The following CTPS1 variants were observed in gnomAD, a reference collection of about 807,000 sequenced individuals.
The protein encoded by CTPS1 is CTP synthase 1, also known as CTP synthetase 1.
In CTPS1, 25 loss-of-function variants were observed where a neutral mutation model predicts 80.5. The observed-to-expected ratio is 0.31, with a 90% CI of 0.23 to 0.43. The LOEUF is 0.43. Among genes scored for constraint, CTPS1 ranks in the 20% least tolerant of loss-of-function variants. The pLI is 1.00. For missense variants in CTPS1, 442 were observed against 725.7 expected, an observed-to-expected ratio of 0.61 and a Z score of 4.49; for synonymous variants, 267 against 252.5, an observed-to-expected ratio of 1.06 and a Z score of -0.54.
intron 3 of CTPS1, 48 bp from the exon 4 acceptor site, chr1:40,987,324 A>G (rs1466716523): frequency 7.4e-7 from 1 of 1,351,238 alleles, no homozygotes; most frequent in Non-Finnish European, 1.1e-6. Context: ...TGTCTCAATC[A>G]ATGTAGATGG....
In CTPS1 at chr1:40,983,412, C is replaced by A; in HGVS notation, c.122C>A (p.Pro41His). 1.2e-6 allele frequency: 2 copies of A among 1,613,762 alleles called. No homozygotes were observed. Reference sequence around the variant, plus strand: ...CATGTAACTTCAATCAAAATTGACCCCTACATTAACATTGATGCAGGAACA... The same window carrying A: ...CATGTAACTTCAATCAAAATTGACCACTACATTAACATTGATGCAGGAACA... ...GLHVTSIKIDPYINIDAGTFS... is the reference protein window; with the variant it reads ...GLHVTSIKIDHYINIDAGTFS... The change falls in exon 2 of 19, where the codon CCC becomes CAC. Residue 41 changes from proline to histidine, a missense_variant. Physicochemically the swap from Pro to His is moderately conservative, Grantham distance 77 (BLOSUM62 -2). Transcript: ENST00000650070.
chr1:41,000,779 C>T (rs150657471), intron 9 of CTPS1: 13 of 231,748 alleles, frequency 5.6e-5, no homozygotes, highest in Admixed American at 1.7e-4. Context: ...CAGTAGAGTG[C>T]AGAAAGAGAG....
Position 40,983,401 on chromosome 1 carries a change from C to T in CTPS1, c.111C>T (p.Ile37=). 6.2e-7 allele frequency: 1 copy of T among 1,613,934 alleles called. No homozygotes were observed. The highest frequency in any genetic ancestry group is 1.1e-5 in the South Asian group (1 of 91,032). ...LKSCGLHVTS[I]KIDPYINIDA... is the part of the protein sequence containing the mutation. ...CATGTGGTTTACATGTAACTTCAATCAAAATTGACCCCTACATTAACATTG... is the reference window on the plus strand; with the variant it reads ...CATGTGGTTTACATGTAACTTCAATTAAAATTGACCCCTACATTAACATTG... The change falls in exon 2 of 19, where the codon ATC becomes ATT. Residue 37 remains isoleucine (I), a synonymous_variant. Transcript: ENST00000650070.
chr1:41,009,893 T>A (rs1340508226), intron 17 of CTPS1, among the ~76,000 whole-genome samples: 1 of 152,224 alleles, frequency 6.6e-6, no homozygotes, highest in Non-Finnish European at 1.5e-5. Flanking sequence ...ATGGGTAGGT[T>A]TATGTCCCAT....
chr1:41,001,203 T>C (rs563220982), intron 10 of CTPS1, 86 bp downstream of exon 10: 1 of 863,416 alleles, frequency 1.2e-6, no homozygotes, highest in Non-Finnish European at 1.8e-6. Flanking sequence ...GTGCCAGTAG[T>C]AGGTAATTGA....
In CTPS1 at chr1:40,985,612, G is replaced by A. The variant is rs569848954; in HGVS notation, c.337+621G>A. On this transcript the variant is annotated intron_variant, in intron 3 of 18. Transcript: ENST00000650070. ...CTACTGATCTAGTATAATGGCAGTG[G>A]CCCAAATTTGGAGAGGTTGCTGAAA... Among the ~76,000 whole-genome samples, 67 of 152,204 alleles carry A rather than the reference G, an allele frequency of 4.4e-4. 1 individual carries two copies. The highest frequency in any genetic ancestry group is 1.6e-3 in the African/African-American group (65 of 41,494).
chr1:41,000,335 C>T (rs952287452), intron 9 of CTPS1, among the ~76,000 whole-genome samples: 3 of 152,032 alleles, frequency 2.0e-5, no homozygotes, highest in African/African-American at 4.8e-5. Context: ...CTCTGCCTTC[C>T]AGGTTCAAGC....
chr1:41,008,006 T>C (rs147265524), intron 14 of CTPS1, among the ~76,000 whole-genome samples: 2 of 152,334 alleles, frequency 1.3e-5, no homozygotes, highest in African/African-American at 4.8e-5. Context: ...ATTACACAGA[T>C]TTCCTTCTTG....
At chr1:40,980,813 T>G (rs569460066) in intron 1 of CTPS1, 1 of 152,582 alleles carries the variant, frequency 6.6e-6, no homozygotes, top group East Asian at 1.9e-4. Context: ...TGCCTACCTT[T>G]CCAGTTTATC....
Position 41,010,161 on chromosome 1 carries a change from G to A in CTPS1, c.1692G>A (p.Arg564=), listed in dbSNP as rs201074432. 5.0e-5 allele frequency: 81 copies of A among 1,611,434 alleles called. No individual in the cohort carries two copies. The East Asian group carries it at 1.7e-3, about 34-fold the overall frequency. Residue 564 remains arginine (R), a splice_region_variant and synonymous_variant, in exon 18 of 19, where the codon AGG becomes AGA. Coordinates refer to ENST00000650070, the MANE Select transcript of CTPS1 (RefSeq NM_001905.4). The stretch of plus-strand genomic sequence containing the variant: ...TGCGTAAACCATCTGAATTCTACAG[G>A]GACACCTATAGTGACAGGAGTGGAA... ...YLQKGCRLSP[R]DTYSDRSGSS...
rs748131892 is a variant in CTPS1 at position 40,984,895 on chromosome 1, C to T, written c.241C>T (p.Arg81Cys). ...LGNYERFLDI[R>C]LTKDNNLTTG... Reference sequence around the variant, plus strand: ...TAACTATGAGCGGTTCCTTGACATCCGCCTCACCAAGGACAATAATCTGAC... The same window carrying T: ...TAACTATGAGCGGTTCCTTGACATCTGCCTCACCAAGGACAATAATCTGAC... Residue 81 changes from arginine (R) to cysteine (C), a missense_variant, in exon 3 of 19, where the codon CGC (arginine) becomes TGC (cysteine). This residue lies in a region of CTPS1 where 69 missense variants were observed against 102.1 expected (regional missense o/e 0.68). Transcript: ENST00000650070. 1.1e-5 allele frequency: 18 copies of T among 1,605,170 alleles called. No individual in the cohort carries two copies. The highest frequency in any genetic ancestry group is 5.1e-5 in the Admixed American group (3 of 59,214).
Position 41,012,251 on chromosome 1 carries a change from G to T in CTPS1, c.*603G>T, listed in dbSNP as rs989769590. On this transcript the variant is annotated 3_prime_UTR_variant, in exon 19 of 19. Transcript: ENST00000650070. ...ACACCAAGATGTCTGTCTCTGAAGC[G>T]TGATTTTAAAATCCCCATGCCTGTG... The T allele has an allele frequency of 6.6e-6, 1 of 152,132 alleles. No individual in the cohort carries two copies. The highest frequency in any genetic ancestry group is 1.5e-5 in the Non-Finnish European group (1 of 68,030). The allele number at this position is 152,132 out of a possible 1,614,324, so 9.4% of individuals were successfully genotyped here. A position where few individuals can be genotyped will look rare whatever the true frequency, so the allele number is the denominator to read the frequency against.
chr1:40,982,046 G>T, intron 1 of CTPS1: 1 of 1,278,372 alleles, frequency 7.8e-7, no homozygotes, highest in Non-Finnish European at 1.0e-6. Flanking sequence ...GGTCACATTT[G>T]GGTTTGCTGA....
At chr1:40,998,770 C>T (rs759105056) in intron 9 of CTPS1, among the ~76,000 whole-genome samples, 2 of 152,144 alleles carry the variant, frequency 1.3e-5, no homozygotes, top group Non-Finnish European at 2.9e-5. Context: ...TAAACAGGCC[C>T]CATGTAGCTG....
rs75669611 is a variant in CTPS1, at chr1:41,008,682, T to C, written c.1417T>C (p.Tyr473His). 83 of 1,614,160 alleles carry C rather than the reference T, an allele frequency of 5.1e-5. No individual in the cohort carries two copies. The East Asian group carries it at 1.8e-3, about 34-fold the overall frequency. Residue 473 changes from tyrosine to histidine, a missense_variant, in exon 15 of 19, where the codon TAC becomes CAC. This residue lies in a region of CTPS1 where 321 missense variants were observed against 467.2 expected (regional missense o/e 0.69). Coordinates refer to ENST00000650070, the MANE Select transcript of CTPS1 (RefSeq NM_001905.4). Reference sequence around the variant, plus strand: ...AGGGAAACTCTATGGAGACGCAGACTACTTGGAAGAGAGGCACCGCCACCG... The same window carrying C: ...AGGGAAACTCTATGGAGACGCAGACCACTTGGAAGAGAGGCACCGCCACCG... ...VMRKLYGDADYLEERHRHRFE... is the reference protein window; with the variant it reads ...VMRKLYGDADHLEERHRHRFE...
At chr1:41,009,410 A>T (rs1570985392) in intron 16 of CTPS1, 35 bp from the exon 17 acceptor site, 2 of 1,527,656 alleles carry the variant, frequency 1.3e-6, no homozygotes, top group South Asian at 1.3e-5. Context: ...CATAACCTTC[A>T]CAATGAAGCT....
At chr1:40,998,410 A>C (rs1006536272) in intron 9 of CTPS1, among the ~76,000 whole-genome samples, 3 of 149,334 alleles carry the variant, frequency 2.0e-5, no homozygotes, top group Admixed American at 1.3e-4. Context: ...AAAAAAAAAA[A>C]AAAAAAAAAA....
intron 1 of CTPS1, chr1:40,982,067 G>T: frequency 8.7e-7 from 1 of 1,153,336 alleles, no homozygotes; most frequent in East Asian, 5.8e-5. Context: ...CCAAATGGAC[G>T]ATCCTGGACC....
chr1:41,005,039 G>A (rs762092545), intron 12 of CTPS1, among the ~76,000 whole-genome samples: 6 of 152,100 alleles, frequency 3.9e-5, no homozygotes, highest in Admixed American at 6.5e-5. Context: ...CAAGACATGA[G>A]AATCACTTGA....
Sources: gnomAD v4.1 joint callset for allele counts (sites outside exome capture counted in the v4.1 genomes callset) on GRCh38, gnomAD v4.1.1 for gene constraint, gnomAD v4.1.1 regional missense constraint, MANE v1.5 for transcripts, NCBI Gene and HGNC (gene_info 2026-07-23, HGNC 2026-07-21) for gene names.